EXOC4: variants seen among roughly 807,000 people sequenced by gnomAD.
EXOC4 encodes the protein SEC8-like 1.
Under a neutral mutation model 107.2 loss-of-function variants are expected in EXOC4, and 71 were observed. That is an observed-to-expected ratio of 0.66 (90% confidence interval 0.55 to 0.81). EXOC4 has a LOEUF of 0.81. Among genes scored for constraint, EXOC4 ranks in the 30% least tolerant of loss-of-function variants. EXOC4 has a pLI of 0.00. For missense variants in EXOC4, 1,108 were observed against 1,189.6 expected (o/e 0.93, Z 1.01); for synonymous variants, 456 against 441.2 (o/e 1.03, Z -0.42).
chr7:133,968,946 G>T (rs1554428445), intron 14 of EXOC4, among the ~76,000 whole-genome samples: 1 of 152,144 alleles, frequency 6.6e-6, no homozygotes, highest in Non-Finnish European at 1.5e-5. Flanking sequence ...TTCCAACTTG[G>T]TTCCATTCTC....
chr7:133,949,252 C>T (rs1421895453), intron 14 of EXOC4, among the ~76,000 whole-genome samples: 3 of 152,072 alleles, frequency 2.0e-5, no homozygotes, highest in Admixed American at 2.0e-4. Context: ...TAAAAGATTT[C>T]CTTCATATGG....
chr7:133,350,098 G>T (rs1795874171), intron 5 of EXOC4, among the ~76,000 whole-genome samples: 1 of 151,900 alleles, frequency 6.6e-6, no homozygotes, highest in Admixed American at 6.6e-5. Context: ...ATGTGATTTT[G>T]AATTTTTTGT....
chr7:133,337,242 T>C (rs1008039672), intron 5 of EXOC4, among the ~76,000 whole-genome samples: 2 of 152,192 alleles, frequency 1.3e-5, no homozygotes, highest in African/African-American at 4.8e-5. Context: ...GTCTAAACCT[T>C]ACCACATTTT....
chr7:133,859,529 G>A (rs909399782), intron 11 of EXOC4, among the ~76,000 whole-genome samples: 1 of 152,118 alleles, frequency 6.6e-6, no homozygotes, highest in Non-Finnish European at 1.5e-5. Flanking sequence ...TGCAGCTGGT[G>A]TTAGGAGACC....
intron 10 of EXOC4, among the ~76,000 whole-genome samples, chr7:133,689,736 C>T (rs1214996673): frequency 6.6e-6 from 1 of 152,174 alleles, no homozygotes; most frequent in Non-Finnish European, 1.5e-5. Flanking sequence ...AAGGACAGAA[C>T]CCAAGGTCAG....
intron 7 of EXOC4, among the ~76,000 whole-genome samples, chr7:133,383,273 A>T (rs988827010): frequency 1.1e-4 from 16 of 152,060 alleles, no homozygotes; most frequent in Admixed American, 4.6e-4. Flanking sequence ...AAAAATCTAA[A>T]TTTTTTTCAC....
rs1797628091 is a variant in EXOC4 at position 133,823,899 on chromosome 7, A to ATATAT, written c.1734+6356_1734+6360dup. On this transcript the variant is annotated intron_variant, in intron 11 of 17. Coordinates refer to ENST00000253861, the MANE Select transcript of EXOC4 (RefSeq NM_021807.4). ...ATATATATATATATATATATTTTAT[A>ATATAT]TATATATATATAAATATATATATAA... Among the ~76,000 whole-genome samples, 7 of 28,192 alleles carry ATATAT rather than the reference A, an allele frequency of 2.5e-4. 1 individual carries two copies. In the African/African-American group the frequency reaches 2.6e-3, roughly 11 times the overall value. 18.5% of individuals were successfully genotyped at this position (28,192 alleles called of 152,430 possible).
rs1798985864 is a variant in EXOC4, at chr7:133,475,352, A to G, written c.1207A>G (p.Met403Val). The change falls in exon 8 of 18, where the codon ATG becomes GTG. Residue 403 changes from methionine to valine, a missense_variant. Transcript: ENST00000253861. ...GATGCTATTAACTGAGTACTTGGAT[A>G]TGAAAAATACTCGTACGGCCTCTGA... ...LQMLLTEYLD[M>V]KNTRTASEPS... 5 of 1,613,674 alleles carry G rather than the reference A, an allele frequency of 3.1e-6. No individual in the cohort carries two copies. Among genetic ancestry groups the G allele is most frequent in the Middle Eastern group, 1.7e-4 (1 of 6,060 alleles).
chr7:133,530,972 A>T (rs1800171595), intron 9 of EXOC4, among the ~76,000 whole-genome samples: 1 of 152,114 alleles, frequency 6.6e-6, no homozygotes, highest in African/African-American at 2.4e-5. Flanking sequence ...TTCTAGTTAA[A>T]GTGTCTCTAA....
intron 10 of EXOC4, among the ~76,000 whole-genome samples, chr7:133,634,237 A>T: frequency 6.6e-6 from 1 of 152,170 alleles, no homozygotes; most frequent in Non-Finnish European, 1.5e-5. Flanking sequence ...ATCTCACAGG[A>T]TGTTAGCGTC....
At chr7:133,295,841 C>T (rs1451281972) in intron 3 of EXOC4, among the ~76,000 whole-genome samples, 2 of 152,092 alleles carry the variant, frequency 1.3e-5, no homozygotes, top group Non-Finnish European at 1.5e-5. Context: ...TCTGAGATCT[C>T]ACAGAACTGT....
At chr7:133,897,297 T>G (rs1048920978) in intron 12 of EXOC4, among the ~76,000 whole-genome samples, 2 of 152,088 alleles carry the variant, frequency 1.3e-5, no homozygotes, top group Non-Finnish European at 2.9e-5. Flanking sequence ...CCCAATAACC[T>G]TTTATGTTCA....
At chr7:133,677,879 C>T (rs970589848) in intron 10 of EXOC4, among the ~76,000 whole-genome samples, 36 of 151,906 alleles carry the variant, frequency 2.4e-4, no homozygotes, top group African/African-American at 8.7e-4. Flanking sequence ...TTTGAGAGAC[C>T]TTACATCACA....
intron 10 of EXOC4, among the ~76,000 whole-genome samples, chr7:133,748,199 A>G (rs926668026): frequency 6.6e-6 from 1 of 152,168 alleles, no homozygotes; most frequent in Non-Finnish European, 1.5e-5. Flanking sequence ...TTGACCTGTC[A>G]TCTTTCTACC....
chr7:133,631,412 C>G (rs1802588798), intron 10 of EXOC4, among the ~76,000 whole-genome samples: 1 of 152,050 alleles, frequency 6.6e-6, no homozygotes, highest in East Asian at 1.9e-4. Context: ...ACCATTAGAA[C>G]TAATTACATT....
intron 7 of EXOC4, among the ~76,000 whole-genome samples, chr7:133,414,827 CAT>C (rs1313021013): frequency 6.6e-6 from 1 of 152,052 alleles, no homozygotes; most frequent in African/African-American, 2.4e-5. Flanking sequence ...TGGCTTTAAA[CAT>C]GTTCACAGAG....
At chr7:133,985,199 G>A (rs1794086734) in intron 14 of EXOC4, among the ~76,000 whole-genome samples, 1 of 152,158 alleles carries the variant, frequency 6.6e-6, no homozygotes, top group African/African-American at 2.4e-5. Context: ...GTGGTTGGGG[G>A]AAGGTGTAAC....
intron 5 of EXOC4, among the ~76,000 whole-genome samples, chr7:133,331,655 C>T (rs1373226833): frequency 1.3e-5 from 2 of 151,774 alleles, no homozygotes; most frequent in Admixed American, 6.6e-5. Context: ...TTAGTAGAGA[C>T]GGGGTTTCAC....
intron 17 of EXOC4, among the ~76,000 whole-genome samples, chr7:134,013,809 A>C (rs1337624259): frequency 6.6e-6 from 1 of 152,204 alleles, no homozygotes; most frequent in Non-Finnish European, 1.5e-5. Flanking sequence ...GTTATTAGGG[A>C]AATGCAAATT....
Sources: allele counts gnomAD v4.1 joint callset (sites outside exome capture counted in the v4.1 genomes callset), GRCh38; gene constraint gnomAD v4.1.1; transcripts MANE v1.5; gene names NCBI Gene and HGNC (gene_info 2026-07-23, HGNC 2026-07-21).